Variants in CSMD1 observed in about 807,000 individuals in gnomAD.
The protein encoded by CSMD1 is CUB and sushi domain-containing protein 1.
Under a neutral mutation model 417.5 loss-of-function variants are expected in CSMD1, and 213 were observed. The ratio of observed to expected loss-of-function variants is 0.51; its 90% CI spans 0.46 to 0.57. CSMD1 has a LOEUF of 0.57. CSMD1 is among the 20% of genes least tolerant of loss of function. The pLI is 0.00. For synonymous variants in CSMD1, 2,862 were observed against 1,736.8 expected (o/e 1.65, Z -16.11); for missense variants, 6,923 against 4,529.7 (o/e 1.53, Z -15.17).
At chr8:3,220,745 C>A (rs750655064) in intron 28 of CSMD1, among the ~76,000 whole-genome samples, 1 of 152,116 alleles carries the variant, frequency 6.6e-6, no homozygotes, top group Admixed American at 6.5e-5. Context: ...GCAGAAGAAT[C>A]GCTTGAACCC....
intron 3 of CSMD1, among the ~76,000 whole-genome samples, chr8:4,290,582 T>C (rs1396904448): frequency 1.3e-5 from 2 of 152,232 alleles, no homozygotes; most frequent in Non-Finnish European, 2.9e-5. Flanking sequence ...CTGTCTCCCA[T>C]GCTTCATACA....
chr8:4,512,467 G>A lies in CSMD1; in HGVS notation c.303-92402C>T, dbSNP rs546942590. ...AGAGAAAATAAATGGAATACAGATA[G>A]AGAAGGAAGAAATAAAAGTTGTTTA... On this transcript the variant is annotated intron_variant, in intron 2 of 69. Coordinates refer to ENST00000635120, the MANE Select transcript of CSMD1 (RefSeq NM_033225.6). Among the ~76,000 whole-genome samples, 5 of 151,642 alleles carry A rather than the reference G, an allele frequency of 3.3e-5. No individual in the cohort carries two copies. The South Asian group carries it at 8.3e-4, about 25-fold the overall frequency.
At chr8:4,333,211 A>C (rs927564718) in intron 3 of CSMD1, among the ~76,000 whole-genome samples, 4 of 152,164 alleles carry the variant, frequency 2.6e-5, no homozygotes, top group African/African-American at 7.2e-5. Context: ...GTTCTGAACA[A>C]AACAGAAGTC....
intron 3 of CSMD1, among the ~76,000 whole-genome samples, chr8:4,091,463 C>A (rs937839436): frequency 7.9e-5 from 12 of 152,078 alleles, no homozygotes; most frequent in African/African-American, 2.9e-4. Flanking sequence ...AGAAAAACAG[C>A]AAACAGAGGG....
chr8:4,892,597 G>GA (rs752759812), intron 1 of CSMD1, among the ~76,000 whole-genome samples: 7 of 152,086 alleles, frequency 4.6e-5, no homozygotes, highest in East Asian at 1.9e-4. Flanking sequence ...AATATATACA[G>GA]AAAAAAGTAA....
chr8:3,539,521 A>C (rs1017651426), intron 10 of CSMD1, among the ~76,000 whole-genome samples: 2 of 152,154 alleles, frequency 1.3e-5, no homozygotes, highest in African/African-American at 4.8e-5. Context: ...TATGAAGCCC[A>C]CAAAGGTTCT....
chr8:3,894,640 G>A (rs949376448), intron 5 of CSMD1, among the ~76,000 whole-genome samples: 1 of 152,130 alleles, frequency 6.6e-6, no homozygotes, highest in Non-Finnish European at 1.5e-5. Flanking sequence ...GGCTAAACAA[G>A]ACTTCACTAT....
At chr8:4,594,780 G>T (rs912972963) in intron 2 of CSMD1, among the ~76,000 whole-genome samples, 8 of 152,036 alleles carry the variant, frequency 5.3e-5, no homozygotes, top group African/African-American at 1.9e-4. Flanking sequence ...AGCTATTTTA[G>T]GGCAGACATA....
chr8:4,606,171 A>C (rs1183697249), intron 2 of CSMD1, among the ~76,000 whole-genome samples: 2 of 152,184 alleles, frequency 1.3e-5, no homozygotes, highest in African/African-American at 2.4e-5. Context: ...AGGACACATA[A>C]CTGTCACTGG....
intron 5 of CSMD1, among the ~76,000 whole-genome samples, chr8:3,859,037 A>G (rs1022653482): frequency 4.6e-5 from 7 of 152,182 alleles, no homozygotes; most frequent in Admixed American, 1.3e-4. Context: ...AGACCTTATT[A>G]TAAGTGAAAT....
intron 6 of CSMD1, among the ~76,000 whole-genome samples, chr8:3,728,625 C>T (rs1321749749): frequency 6.6e-6 from 1 of 152,132 alleles, no homozygotes; most frequent in Non-Finnish European, 1.5e-5. Context: ...TGGTAGAGAC[C>T]ACCATCCTGG....
intron 1 of CSMD1, among the ~76,000 whole-genome samples, chr8:4,669,065 G>C (rs1463967702): frequency 4.6e-5 from 7 of 152,006 alleles, no homozygotes; most frequent in East Asian, 1.9e-4. Context: ...AATTTACACA[G>C]CTCTTAATTT....
chr8:4,380,531 C>G (rs1339559840), intron 3 of CSMD1, among the ~76,000 whole-genome samples: 1 of 152,138 alleles, frequency 6.6e-6, no homozygotes, highest in Admixed American at 6.5e-5. Flanking sequence ...CCCAAGGAGA[C>G]GTGACGACTA....
intron 3 of CSMD1, among the ~76,000 whole-genome samples, chr8:4,054,434 T>C (rs901169931): frequency 3.3e-5 from 5 of 152,210 alleles, no homozygotes; most frequent in Non-Finnish European, 2.9e-5. Context: ...CCTAAACTCT[T>C]GTATGGGAGA....
intron 1 of CSMD1, among the ~76,000 whole-genome samples, chr8:4,826,248 C>T (rs942157863): frequency 6.6e-6 from 1 of 151,694 alleles, no homozygotes; most frequent in African/African-American, 2.4e-5. Context: ...TATCCATTGA[C>T]AGATGAACAT....
chr8:3,480,493 G>A (rs551538068), intron 11 of CSMD1, among the ~76,000 whole-genome samples: 118 of 152,160 alleles, frequency 7.8e-4, no homozygotes, highest in African/African-American at 2.1e-3. Flanking sequence ...AAAAGGAGAC[G>A]AGCTAGATGA....
chr8:4,134,121 C>G (rs79214118), intron 3 of CSMD1, among the ~76,000 whole-genome samples: 4,123 of 152,128 alleles, frequency 0.027, 192 homozygotes, highest in African/African-American at 0.093. Context: ...ATAAGAATAT[C>G]AAATTTTCTT....
At chr8:4,094,476 C>T (rs1800894428) in intron 3 of CSMD1, among the ~76,000 whole-genome samples, 1 of 152,212 alleles carries the variant, frequency 6.6e-6, no homozygotes, top group Admixed American at 6.5e-5. Context: ...AAGATGATGC[C>T]TGGATTAACG....
At chr8:3,115,677 A>G (rs1473473805) in intron 42 of CSMD1, among the ~76,000 whole-genome samples, 1 of 152,196 alleles carries the variant, frequency 6.6e-6, no homozygotes, top group Non-Finnish European at 1.5e-5. Context: ...TTTATACTAT[A>G]TTAATTTCAT....
Sources: allele counts gnomAD v4.1 joint callset (sites outside exome capture counted in the v4.1 genomes callset), GRCh38; gene constraint gnomAD v4.1.1; transcripts MANE v1.5; gene names NCBI Gene and HGNC (gene_info 2026-07-23, HGNC 2026-07-21).